The following RAB2A variants were observed in gnomAD, a reference collection of about 807,000 sequenced individuals.
The protein encoded by RAB2A is ras-related protein Rab-2A.
A neutral mutation model predicts 32.5 loss-of-function variants in RAB2A; 7 were observed. The ratio of observed to expected loss-of-function variants is 0.22; its 90% CI spans 0.12 to 0.40. The LOEUF (loss-of-function observed/expected upper bound fraction) is 0.40, where lower values mean the gene tolerates loss of function less well. RAB2A is among the 10% of genes least tolerant of loss of function. RAB2A has a pLI of 1.00. For missense variants in RAB2A, 108 were observed against 260.7 expected, an observed-to-expected ratio of 0.41 and a Z score of 4.03; for synonymous variants, 79 against 85.2, an observed-to-expected ratio of 0.93 and a Z score of 0.40.
intron 3 of RAB2A, among the ~76,000 whole-genome samples, chr8:60,574,917 A>G (rs1041633434): frequency 3.9e-5 from 6 of 152,136 alleles, no homozygotes; most frequent in African/African-American, 7.2e-5. Context: ...TAAAGACATC[A>G]TAACATCCCA....
At chr8:60,591,122 A>C (rs548542656) in intron 5 of RAB2A, among the ~76,000 whole-genome samples, 1 of 88,484 alleles carries the variant, frequency 1.1e-5, no homozygotes, top group South Asian at 3.0e-4. Flanking sequence ...AAAAGTAATA[A>C]ATATAATAAT....
intron 1 of RAB2A, among the ~76,000 whole-genome samples, chr8:60,533,893 G>A (rs1368852376): frequency 3.3e-5 from 5 of 152,168 alleles, no homozygotes; most frequent in African/African-American, 1.2e-4. Context: ...TCGCTTGAAG[G>A]CGGAGGTTGC....
chr8:60,575,822 T>A (rs1803608091), intron 3 of RAB2A, among the ~76,000 whole-genome samples: 1 of 151,954 alleles, frequency 6.6e-6, no homozygotes, highest in Non-Finnish European at 1.5e-5. Flanking sequence ...CACGCCCGGC[T>A]AATTTTGTAT....
intron 1 of RAB2A, among the ~76,000 whole-genome samples, chr8:60,550,379 G>GT (rs778540954): frequency 5.6e-4 from 84 of 150,620 alleles, no homozygotes; most frequent in Non-Finnish European, 9.0e-4. Context: ...CTGGTTCACG[G>GT]TTTTTTTTGT....
chr8:60,517,813 A>T (rs867414126), intron 1 of RAB2A, among the ~76,000 whole-genome samples: 1 of 152,112 alleles, frequency 6.6e-6, no homozygotes, highest in African/African-American at 2.4e-5. Context: ...ATACATATAT[A>T]TAAAATATGC....
At chr8:60,580,158 G>A (rs374225408) in intron 3 of RAB2A, among the ~76,000 whole-genome samples, 2,269 of 151,560 alleles carry the variant, frequency 0.015, 23 homozygotes, top group African/African-American at 0.03. Context: ...CACCACACCC[G>A]GCTAATTTTT....
chr8:60,547,556 G>T lies in RAB2A; in HGVS notation c.47-11296G>T, dbSNP rs1807755109. 2.0e-5 allele frequency among the ~76,000 whole-genome samples: 3 copies of T among 150,674 alleles called. No individual in the cohort carries two copies. In the South Asian group the frequency reaches 6.3e-4, roughly 32 times the overall value. ...TCCCCCCACCTCCCTCCTGGATGGG[G>T]CGGCTGGCTGGGCAGAGGGGCTCCT... is the stretch of plus-strand genomic sequence containing the variant. On this transcript the variant is annotated intron_variant, in intron 1 of 7. Coordinates refer to ENST00000262646, the MANE Select transcript of RAB2A (RefSeq NM_002865.3).
chr8:60,559,606 T>G (rs887196936), intron 2 of RAB2A, among the ~76,000 whole-genome samples: 1 of 152,234 alleles, frequency 6.6e-6, no homozygotes, highest in Non-Finnish European at 1.5e-5. Flanking sequence ...CTAAAAACTT[T>G]AGGTAATCTT....
intron 6 of RAB2A, among the ~76,000 whole-genome samples, chr8:60,603,578 T>C (rs1804175105): frequency 1.3e-5 from 2 of 152,176 alleles, no homozygotes; most frequent in Non-Finnish European, 2.9e-5. Context: ...AATTATCTCG[T>C]CCAAAATGTC....
intron 6 of RAB2A, among the ~76,000 whole-genome samples, chr8:60,594,556 A>G (rs1187599335): frequency 6.6e-6 from 1 of 152,152 alleles, no homozygotes; most frequent in Non-Finnish European, 1.5e-5. Context: ...CTAGGTATAT[A>G]TGTGCCATGT....
intron 6 of RAB2A, among the ~76,000 whole-genome samples, chr8:60,603,817 T>TCA (rs1476216374): frequency 2.6e-5 from 4 of 152,012 alleles, no homozygotes; most frequent in African/African-American, 4.8e-5. Flanking sequence ...CGCCAGGAGT[T>TCA]CAAGACCAGC....
intron 2 of RAB2A, among the ~76,000 whole-genome samples, chr8:60,569,279 T>G (rs893521347): frequency 1.3e-5 from 2 of 152,180 alleles, no homozygotes; most frequent in African/African-American, 4.8e-5. Flanking sequence ...AACTGGTCTC[T>G]TTGCTTCTTG....
chr8:60,576,650 C>T (rs529746148), intron 3 of RAB2A, among the ~76,000 whole-genome samples: 15 of 152,200 alleles, frequency 9.9e-5, no homozygotes, highest in South Asian at 2.1e-4. Flanking sequence ...ATACTCTTGA[C>T]GTATTATTTC....
chr8:60,524,288 CCAGT>C (rs1443715315), intron 1 of RAB2A, among the ~76,000 whole-genome samples: 1 of 152,172 alleles, frequency 6.6e-6, no homozygotes, highest in South Asian at 2.1e-4. Context: ...CTTGCAGTAG[CCAGT>C]CAGTTTGATG....
At chr8:60,616,728 G>A (rs545754200) in intron 6 of RAB2A, among the ~76,000 whole-genome samples, 24 of 152,120 alleles carry the variant, frequency 1.6e-4, no homozygotes, top group African/African-American at 2.9e-4. Flanking sequence ...GTGATGATTC[G>A]ATCAGCCACT....
At chr8:60,549,698 T>G (rs1586076543) in intron 1 of RAB2A, among the ~76,000 whole-genome samples, 1 of 152,174 alleles carries the variant, frequency 6.6e-6, no homozygotes. Flanking sequence ...TCAAATTGGG[T>G]TTTTATCAGA....
intron 3 of RAB2A, among the ~76,000 whole-genome samples, chr8:60,572,698 A>G (rs1808214693): frequency 6.6e-6 from 1 of 152,168 alleles, no homozygotes; most frequent in African/African-American, 2.4e-5. Flanking sequence ...TATTATATAC[A>G]TTGGGTGCCT....
chr8:60,533,828 G>T (rs1169349437), intron 1 of RAB2A, among the ~76,000 whole-genome samples: 1 of 152,124 alleles, frequency 6.6e-6, no homozygotes, highest in Non-Finnish European at 1.5e-5. Flanking sequence ...AAATTAGCTG[G>T]GCGTGGTGGT....
intron 1 of RAB2A, among the ~76,000 whole-genome samples, chr8:60,526,047 A>G (rs1196660517): frequency 8.2e-6 from 1 of 121,588 alleles, no homozygotes; most frequent in Non-Finnish European, 1.7e-5. Flanking sequence ...ATATATATAT[A>G]TATATATATA....
Sources: gnomAD v4.1 joint callset for allele counts (sites outside exome capture counted in the v4.1 genomes callset) on GRCh38, gnomAD v4.1.1 for gene constraint, MANE v1.5 for transcripts, NCBI Gene and HGNC (gene_info 2026-07-23, HGNC 2026-07-21) for gene names.